The following MACROD2 variants were observed in gnomAD, a reference collection of about 807,000 sequenced individuals.
The protein encoded by MACROD2 is ADP-ribose glycohydrolase MACROD2.
Under a neutral mutation model 70.4 loss-of-function variants are expected in MACROD2, and 36 were observed. The observed-to-expected ratio is 0.51, with a 90% confidence interval of 0.39 to 0.68. The LOEUF (loss-of-function observed/expected upper bound fraction) is 0.68. Among genes scored for constraint, MACROD2 ranks in the 30% least tolerant of loss-of-function variants. The pLI, the probability that MACROD2 is intolerant of heterozygous loss-of-function variation, is 0.00. For missense variants in MACROD2, 496 were observed against 538.4 expected (o/e 0.92, Z 0.78); for synonymous variants, 172 against 178.8 (o/e 0.96, Z 0.30).
chr20:14,355,166 T>C (rs1405733665), intron 3 of MACROD2, among the ~76,000 whole-genome samples: 1 of 152,202 alleles, frequency 6.6e-6, no homozygotes, highest in Admixed American at 6.5e-5. Flanking sequence ...CTAAGTTCTT[T>C]GAGAAACCTC....
chr20:15,122,164 T>C (rs2076035602), intron 5 of MACROD2, among the ~76,000 whole-genome samples: 2 of 152,346 alleles, frequency 1.3e-5, no homozygotes, highest in East Asian at 1.9e-4. Context: ...TCTCCTCTTT[T>C]CTTTCAATGT....
chr20:14,777,534 A>C (rs1327365020), intron 5 of MACROD2, among the ~76,000 whole-genome samples: 5 of 152,018 alleles, frequency 3.3e-5, no homozygotes, highest in Non-Finnish European at 5.9e-5. Context: ...TATTTTTCTA[A>C]TGTTTGCTTG....
chr20:15,108,829 G>T (rs2075931810), intron 5 of MACROD2, among the ~76,000 whole-genome samples: 1 of 152,142 alleles, frequency 6.6e-6, no homozygotes, highest in African/African-American at 2.4e-5. Flanking sequence ...CTCTGTGTCT[G>T]TAAGATAGGG....
chr20:14,322,220 A>T (rs2082669709), intron 3 of MACROD2, among the ~76,000 whole-genome samples: 3 of 134,868 alleles, frequency 2.2e-5, no homozygotes, highest in Non-Finnish European at 4.8e-5. Context: ...TTGCAAAGCA[A>T]CTGGATTTTA....
chr20:14,204,176 G>A (rs6079351), intron 3 of MACROD2, among the ~76,000 whole-genome samples: 79,652 of 152,000 alleles, frequency 0.52, 22,585 homozygotes, highest in Non-Finnish European at 0.62. Context: ...GCCCTGGTGG[G>A]CAAGTAGCTC....
chr20:15,445,792 C>T (rs1286645974), intron 7 of MACROD2, among the ~76,000 whole-genome samples: 1 of 152,020 alleles, frequency 6.6e-6, no homozygotes, highest in African/African-American at 2.4e-5. Context: ...AAAAATGAGA[C>T]CCAGAGTTGC....
intron 8 of MACROD2, among the ~76,000 whole-genome samples, chr20:15,624,528 T>C (rs2049174546): frequency 1.3e-5 from 2 of 152,200 alleles, no homozygotes. Flanking sequence ...ATATATTATA[T>C]TATGTGCAGA....
chr20:15,405,771 C>G (rs1055140969), intron 6 of MACROD2, among the ~76,000 whole-genome samples: 1 of 152,212 alleles, frequency 6.6e-6, no homozygotes, highest in African/African-American at 2.4e-5. Context: ...TGTCCATTCT[C>G]TTGCTCTCTT....
chr20:16,049,875 G>T lies in MACROD2; in HGVS notation c.1346G>T (p.Ter449LeuextTer18). The T allele has an allele frequency of 6.6e-7, 1 of 1,509,232 alleles. No individual in the cohort carries two copies. The highest frequency in any genetic ancestry group is 1.1e-5 in the South Asian group (1 of 89,690). The allele number at this position is 1,509,232 out of a possible 1,614,324, so 93.5% of individuals were successfully genotyped here. Residue 449 changes from the stop codon to leucine, a stop_lost, in exon 18 of 18, where the codon TGA becomes TTA. Coordinates refer to ENST00000684519, the MANE Select transcript of MACROD2 (RefSeq NM_001351661.2). ...EAKEQRNGTK[*>L] The stretch of plus-strand genomic sequence containing the variant: ...AAGGAACAAAGAAATGGAACTAAAT[G>T]ACAATCCTCAGCATCGCAAGGCCTC...
At chr20:14,482,584 A>G (rs1284920048) in intron 3 of MACROD2, among the ~76,000 whole-genome samples, 1 of 152,126 alleles carries the variant, frequency 6.6e-6, no homozygotes, top group Non-Finnish European at 1.5e-5. Context: ...GAGCCAGCAT[A>G]CTTTAGATGT....
At chr20:14,718,487 C>A (rs1426310578) in intron 5 of MACROD2, among the ~76,000 whole-genome samples, 1 of 151,864 alleles carries the variant, frequency 6.6e-6, no homozygotes, top group Non-Finnish European at 1.5e-5. Flanking sequence ...TGATACAGAA[C>A]CCCCAACACT....
chr20:15,925,076 G>A (rs2065469020), intron 10 of MACROD2, among the ~76,000 whole-genome samples: 1 of 152,180 alleles, frequency 6.6e-6, no homozygotes, highest in Non-Finnish European at 1.5e-5. Context: ...GATTTTCCCA[G>A]TTATAGAGTG....
intron 4 of MACROD2, among the ~76,000 whole-genome samples, chr20:14,680,284 T>A (rs1488492526): frequency 1.3e-5 from 2 of 152,136 alleles, no homozygotes; most frequent in Non-Finnish European, 2.9e-5. Context: ...AGCTAGAAGG[T>A]GTAAATAACT....
At chr20:14,872,721 T>A (rs948431631) in intron 5 of MACROD2, among the ~76,000 whole-genome samples, 1 of 152,128 alleles carries the variant, frequency 6.6e-6, no homozygotes, top group African/African-American at 2.4e-5. Context: ...ATCATTATTA[T>A]TTTCATCACT....
intron 3 of MACROD2, among the ~76,000 whole-genome samples, chr20:14,382,622 C>T (rs2083433619): frequency 1.3e-5 from 2 of 151,850 alleles, no homozygotes; most frequent in South Asian, 2.1e-4. Context: ...GAGCTGAGAT[C>T]GTGCCACTGC....
intron 8 of MACROD2, among the ~76,000 whole-genome samples, chr20:15,819,297 G>GTATATAAATATATATACTTATATATA (rs1555783410): frequency 2.2e-5 from 3 of 136,744 alleles, no homozygotes; most frequent in African/African-American, 8.1e-5. Context: ...TTATATATAA[G>GTATATAAATATATATACTTATATATA]TATATAAATA....
At chr20:14,274,043 C>T (rs1008736583) in intron 3 of MACROD2, among the ~76,000 whole-genome samples, 3 of 152,174 alleles carry the variant, frequency 2.0e-5, no homozygotes, top group African/African-American at 7.2e-5. Context: ...CAGATGGATT[C>T]ACAGCCGAAT....
intron 6 of MACROD2, among the ~76,000 whole-genome samples, chr20:15,382,289 T>C (rs2045655376): frequency 6.6e-6 from 1 of 152,204 alleles, no homozygotes; most frequent in Non-Finnish European, 1.5e-5. Flanking sequence ...TAACGTTCAC[T>C]TTTTGACCAT....
intron 8 of MACROD2, among the ~76,000 whole-genome samples, chr20:15,661,906 A>G (rs1568959362): frequency 4.6e-5 from 7 of 152,218 alleles, no homozygotes; most frequent in Non-Finnish European, 2.9e-5. Flanking sequence ...CATTGTTATG[A>G]ATATGGTTGC....
Sources: gnomAD v4.1 joint callset for allele counts (sites outside exome capture counted in the v4.1 genomes callset) on GRCh38, gnomAD v4.1.1 for gene constraint, MANE v1.5 for transcripts, NCBI Gene and HGNC (gene_info 2026-07-23, HGNC 2026-07-21) for gene names.